The following KIF9 variants were observed in gnomAD, a reference collection of about 807,000 sequenced individuals.
KIF9 encodes the protein kinesin-like protein KIF9.
A neutral mutation model predicts 94.8 loss-of-function variants in KIF9; 68 were observed. The observed-to-expected ratio is 0.72, with a 90% CI of 0.59 to 0.88. The LOEUF (loss-of-function observed/expected upper bound fraction) is 0.88. KIF9 is among the 40% of genes least tolerant of loss of function. KIF9 has a pLI of 0.00. For missense variants in KIF9, 882 were observed against 982.5 expected, an observed-to-expected ratio of 0.90 and a Z score of 1.37; for synonymous variants, 343 against 362.1, an observed-to-expected ratio of 0.95 and a Z score of 0.60.
intron 10 of KIF9, chr3:47,250,493 G>T (rs570421417): frequency 1.2e-5 from 5 of 410,594 alleles, no homozygotes; most frequent in Non-Finnish European, 2.6e-5. Context: ...TAGATTTTAG[G>T]TAAGTAAATA....
chr3:47,256,105 C>T (rs910926306), intron 10 of KIF9, among the ~76,000 whole-genome samples: 1 of 152,236 alleles, frequency 6.6e-6, no homozygotes, highest in Non-Finnish European at 1.5e-5. Flanking sequence ...GATCTCGGCT[C>T]GCTACAACTT....
chr3:47,245,936 G>A, intron 13 of KIF9: 1 of 505,808 alleles, frequency 2.0e-6, no homozygotes, highest in South Asian at 2.6e-5. Context: ...TGAGGTGGGA[G>A]TGTGTGTTGC....
chr3:47,257,513 C>A lies in KIF9; in HGVS notation c.1029G>T (p.Glu343Asp), dbSNP rs1483156092. 17 of 1,614,010 alleles carry A rather than the reference C, an allele frequency of 1.1e-5. No homozygotes were observed. Among genetic ancestry groups the A allele is most frequent in the Non-Finnish European group, 1.4e-5 (16 of 1,180,012 alleles). Residue 343 changes from glutamate (E) to aspartate (D), a missense_variant, in exon 10 of 21, where the codon GAG (glutamate) becomes GAT (aspartate). By Grantham distance (45) the Glu-to-Asp change is conservative. Transcript: ENST00000684063. ...CATCATACTTTTCATTGATGGCAGG[C>A]TCAGTGGTGACTAGCTTCATCCTGC... ...FASRMKLVTTEPAINEKYDAE... is the reference protein window; with the variant it reads ...FASRMKLVTTDPAINEKYDAE...
chr3:47,234,552 AT>A (rs1238824817), intron 20 of KIF9, among the ~76,000 whole-genome samples: 60 of 114,884 alleles, frequency 5.2e-4, no homozygotes, highest in Admixed American at 3.6e-3. Context: ...TGTGCCCAGC[AT>A]TTTTTTTTTC....
At chr3:47,279,004 TAA>T (rs1248094806) in intron 1 of KIF9, among the ~76,000 whole-genome samples, 1 of 151,144 alleles carries the variant, frequency 6.6e-6, no homozygotes, top group Non-Finnish European at 1.5e-5. Flanking sequence ...ATAAATAAAA[TAA>T]ATAAATTACC....
intron 3 of KIF9, 38 bp from the exon 4 acceptor site, chr3:47,273,696 T>G (rs758348840): frequency 6.4e-7 from 1 of 1,556,944 alleles, no homozygotes; most frequent in Non-Finnish European, 8.8e-7. Flanking sequence ...TCCAGGAAAA[T>G]AGCTCCAAGG....
At chr3:47,272,119 A>ACAAT (rs112428957) in intron 4 of KIF9, among the ~76,000 whole-genome samples, 1 of 151,956 alleles carries the variant, frequency 6.6e-6, no homozygotes, top group African/African-American at 2.4e-5. Context: ...CTCCATCTAA[A>ACAAT]AAATAAATAA....
At position 47,282,561 on chromosome 3, in the gene KIF9, C is replaced by CG. The variant is rs1235809569; in HGVS notation, c.-73dup. 2 of 1,020,938 alleles carry CG rather than the reference C, an allele frequency of 2.0e-6. No homozygotes were observed. The highest frequency in any genetic ancestry group is 2.4e-6 in the Non-Finnish European group (2 of 850,456). The allele number at this position is 1,020,938 out of a possible 1,614,324, so 63.2% of individuals were successfully genotyped here. A position where few individuals can be genotyped will look rare whatever the true frequency, so the allele number is the denominator to read the frequency against. On this transcript the variant is annotated 5_prime_UTR_variant, in exon 1 of 21. The change creates a premature stop within an existing upstream ORF in the 5' untranslated region. Coordinates refer to ENST00000684063, the MANE Select transcript of KIF9 (RefSeq NM_182902.4). ...ACCGAAACCACCTGCACTCCCCACG[C>CG]GGGGCTGCCTGGCTGTGTACATAGT...
intron 4 of KIF9, among the ~76,000 whole-genome samples, chr3:47,273,223 G>T (rs1701757162): frequency 1.3e-5 from 2 of 152,180 alleles, no homozygotes; most frequent in South Asian, 4.1e-4. Context: ...GAAAGAGAAT[G>T]ATTAGGACCT....
intron 3 of KIF9, 104 bp downstream of exon 3, chr3:47,275,221 A>G: frequency 1.1e-6 from 1 of 891,296 alleles, no homozygotes; most frequent in Non-Finnish European, 1.7e-6. Flanking sequence ...ACAGACAAAC[A>G]TACAAATGAT....
At chr3:47,237,597 C>T (rs1043208568) in intron 17 of KIF9, among the ~76,000 whole-genome samples, 4 of 152,204 alleles carry the variant, frequency 2.6e-5, no homozygotes, top group South Asian at 2.1e-4. Flanking sequence ...CTCACAGCAC[C>T]TGAAAGCTTA....
chr3:47,247,335 G>A (rs1452643179), intron 12 of KIF9, 38 bp downstream of exon 12: 1 of 1,442,664 alleles, frequency 6.9e-7, no homozygotes, highest in East Asian at 2.3e-5. Flanking sequence ...GGGAGGCCCA[G>A]GCTGGCTGAG....
chr3:47,277,435 G>A, intron 1 of KIF9, 56 bp from the exon 2 acceptor site: 1 of 1,138,416 alleles, frequency 8.8e-7, no homozygotes. Context: ...AACAAGTAGA[G>A]GAGAGGGGTC....
intron 16 of KIF9, 62 bp from the exon 17 acceptor site, chr3:47,241,077 C>T (rs1699443650): frequency 3.5e-6 from 5 of 1,447,738 alleles, no homozygotes; most frequent in African/African-American, 1.4e-5. Context: ...AGCCACCAGG[C>T]ACTTCATCTT....
intron 1 of KIF9, chr3:47,281,003 G>C: frequency 1.4e-6 from 1 of 703,044 alleles, no homozygotes; most frequent in Non-Finnish European, 2.6e-6. Flanking sequence ...GTGGGTTTCA[G>C]TTCCCAAAAT....
Position 47,271,402 on chromosome 3 carries a change from C to A in KIF9, c.426G>T (p.Leu142Phe), listed in dbSNP as rs1262105255. The stretch of plus-strand genomic sequence containing the variant: ...CAAACAGGCTCTCATTATAGATTTC[C>A]AAGTAGGAAACACGCACAGTGATGG... ...THAITVRVSY[L>F]EIYNESLFDL... The change falls in exon 5 of 21, where the codon TTG (leucine) becomes TTT (phenylalanine). Residue 142 changes from leucine (L) to phenylalanine (F), a missense_variant. Coordinates refer to ENST00000684063, the MANE Select transcript of KIF9 (RefSeq NM_182902.4). 5.0e-6 allele frequency: 8 copies of A among 1,613,856 alleles called. No homozygotes were observed. Among genetic ancestry groups the A allele is most frequent in the Non-Finnish European group, 6.8e-6 (8 of 1,179,994 alleles).
intron 10 of KIF9, among the ~76,000 whole-genome samples, chr3:47,252,063 C>T (rs1180828791): frequency 1.3e-5 from 2 of 152,184 alleles, no homozygotes; most frequent in Non-Finnish European, 2.9e-5. Context: ...ATTCTACCCT[C>T]TTGAAAACAG....
chr3:47,278,556 G>A (rs1034865701), intron 1 of KIF9, among the ~76,000 whole-genome samples: 1 of 152,142 alleles, frequency 6.6e-6, no homozygotes, highest in African/African-American at 2.4e-5. Flanking sequence ...TTGGCTGGGT[G>A]CAATGGCTCA....
chr3:47,265,591 A>C, intron 8 of KIF9, 139 bp downstream of exon 8: 2 of 826,382 alleles, frequency 2.4e-6, no homozygotes, highest in Non-Finnish European at 3.8e-6. Flanking sequence ...AGGTGTCTGA[A>C]GTCACTGTGA....
Sources: gnomAD v4.1 joint callset for allele counts (sites outside exome capture counted in the v4.1 genomes callset) on GRCh38, gnomAD v4.1.1 for gene constraint, MANE v1.5 for transcripts, NCBI Gene and HGNC (gene_info 2026-07-23, HGNC 2026-07-21) for gene names.